Variants in TMEM200A observed in about 807,000 individuals in gnomAD.
TMEM200A encodes the protein transmembrane protein 200A.
A neutral mutation model predicts 24.3 loss-of-function variants in TMEM200A; 12 were observed. The observed-to-expected ratio is 0.49, with a 90% CI of 0.32 to 0.80. The LOEUF is 0.80. TMEM200A is among the 30% of genes least tolerant of loss of function. TMEM200A has a pLI of 0.04. For synonymous variants in TMEM200A, 224 were observed against 224.4 expected (o/e 1.00, Z 0.02); for missense variants, 545 against 614.4 (o/e 0.89, Z 1.19).
At chr6:130,414,658 G>A (rs2115168334) in intron 2 of TMEM200A, among the ~76,000 whole-genome samples, 1 of 152,190 alleles carries the variant, frequency 6.6e-6, no homozygotes, top group South Asian at 2.1e-4. Context: ...TATATGCATG[G>A]TCTCTCTTGA....
chr6:130,435,010 C>A (rs1430904101), intron 2 of TMEM200A, among the ~76,000 whole-genome samples: 1 of 149,580 alleles, frequency 6.7e-6, no homozygotes, highest in African/African-American at 2.5e-5. Context: ...ATCTTGATGT[C>A]TATTGCTTAG....
At chr6:130,439,746 C>A (rs889151249) in intron 2 of TMEM200A, among the ~76,000 whole-genome samples, 1 of 151,980 alleles carries the variant, frequency 6.6e-6, no homozygotes. Context: ...AGTAGGAGAA[C>A]TTAACATCAT....
chr6:130,397,304 T>A (rs907560979), intron 2 of TMEM200A, among the ~76,000 whole-genome samples: 2 of 152,144 alleles, frequency 1.3e-5, no homozygotes, highest in Non-Finnish European at 2.9e-5. Context: ...TAACTAATAA[T>A]TGCAAATATG....
intron 2 of TMEM200A, among the ~76,000 whole-genome samples, chr6:130,406,293 G>T (rs2115146897): frequency 6.6e-6 from 1 of 152,166 alleles, no homozygotes; most frequent in Middle Eastern, 3.4e-3. Flanking sequence ...ACACTATCCA[G>T]CTTAAGACTA....
chr6:130,430,909 ACTT>A (rs891878052), intron 2 of TMEM200A, among the ~76,000 whole-genome samples: 4 of 152,160 alleles, frequency 2.6e-5, no homozygotes, highest in Non-Finnish European at 5.9e-5. Flanking sequence ...CAATTGGAAA[ACTT>A]CTTAAGAAAT....
intron 2 of TMEM200A, chr6:130,438,600 A>AAGTT (rs1780077222): frequency 6.6e-6 from 1 of 152,212 alleles, no homozygotes; most frequent in Admixed American, 6.5e-5. Flanking sequence ...TTAACTAGGA[A>AAGTT]AGTTAGTACA....
intron 2 of TMEM200A, among the ~76,000 whole-genome samples, chr6:130,433,107 A>T (rs887116076): frequency 2.6e-5 from 4 of 152,066 alleles, no homozygotes; most frequent in African/African-American, 9.7e-5. Flanking sequence ...CCACGTGAAA[A>T]ACAATTATGC....
chr6:130,435,982 T>C (rs17059002), intron 2 of TMEM200A, among the ~76,000 whole-genome samples: 24,698 of 152,162 alleles, frequency 0.16, 2,203 homozygotes, highest in East Asian at 0.35. Flanking sequence ...CAGGTAATCA[T>C]TGAGATTTGG....
chr6:130,400,112 A>ACG (rs1175481410), intron 2 of TMEM200A, among the ~76,000 whole-genome samples: 3 of 151,890 alleles, frequency 2.0e-5, no homozygotes, highest in African/African-American at 7.3e-5. Context: ...ATATATACAC[A>ACG]CACACACACA....
intron 2 of TMEM200A, among the ~76,000 whole-genome samples, 175 bp from the exon 3 acceptor site, chr6:130,440,232 A>G (rs750110208): frequency 6.6e-6 from 1 of 152,244 alleles, no homozygotes; most frequent in Admixed American, 6.5e-5. Context: ...TACATTAGTC[A>G]ATAAATAAAA....
chr6:130,394,844 C>G (rs1342411393), intron 2 of TMEM200A, among the ~76,000 whole-genome samples: 1 of 152,066 alleles, frequency 6.6e-6, no homozygotes, highest in East Asian at 1.9e-4. Context: ...CCTTAAGGCC[C>G]TTTAGTGAAC....
intron 1 of TMEM200A, among the ~76,000 whole-genome samples, chr6:130,375,725 ATACTCAGTGCACT>A (rs1778440746): frequency 6.6e-6 from 1 of 152,202 alleles, no homozygotes; most frequent in Admixed American, 6.5e-5. Flanking sequence ...AGTAGGTTTT[ATACTCAGTGCACT>A]GGAAAGCCAT....
At chr6:130,406,072 A>G (rs555722487) in intron 2 of TMEM200A, among the ~76,000 whole-genome samples, 1 of 152,058 alleles carries the variant, frequency 6.6e-6, no homozygotes, top group African/African-American at 2.4e-5. Context: ...CTCATACATC[A>G]TTTCTCCTCC....
intron 2 of TMEM200A, among the ~76,000 whole-genome samples, chr6:130,415,095 C>T (rs1191294612): frequency 6.6e-6 from 1 of 152,086 alleles, no homozygotes; most frequent in East Asian, 1.9e-4. Flanking sequence ...GGACTGAAAG[C>T]TCATCCCTAC....
At position 130,440,790 on chromosome 6, in the gene TMEM200A, A is replaced by G. The variant is rs147892427; in HGVS notation, c.368A>G (p.Asp123Gly). Reference protein sequence around the residue: ...VRFFEQHLHSDKMKMLGPFTM... With the variant: ...VRFFEQHLHSGKMKMLGPFTM... ...TTCTTTGAGCAGCATTTGCATTCTG[A>G]TAAGATGAAAATGCTTGGCCCATTC... is the stretch of plus-strand genomic sequence containing the variant. Residue 123 changes from aspartate to glycine, a missense_variant, in exon 3 of 3, where the codon GAT (aspartate) becomes GGT (glycine). Asp to Gly is a moderately conservative substitution (Grantham distance 94). Coordinates refer to ENST00000296978, the MANE Select transcript of TMEM200A (RefSeq NM_001258277.2). 35 of 1,613,810 alleles carry G rather than the reference A, an allele frequency of 2.2e-5. No individual in the cohort carries two copies. Among genetic ancestry groups the G allele is most frequent in the Non-Finnish European group, 3.0e-5 (35 of 1,179,916 alleles).
At position 130,422,079 on chromosome 6, in the gene TMEM200A, G is replaced by C. The variant is rs374004634; in HGVS notation, c.-16-18328G>C. ...TTTCTTCGGATAAATACACAGAAGAGAGATTGCTGGATCGTATGGTAGTCC... is the reference window on the plus strand; with the variant it reads ...TTTCTTCGGATAAATACACAGAAGACAGATTGCTGGATCGTATGGTAGTCC... On this transcript the variant is annotated intron_variant, in intron 2 of 2. Coordinates refer to ENST00000296978, the MANE Select transcript of TMEM200A (RefSeq NM_001258277.2). 9.9e-4 allele frequency among the ~76,000 whole-genome samples: 150 copies of C among 152,260 alleles called. 1 individual carries two copies. Among genetic ancestry groups the C allele is most frequent in the South Asian group, 6.0e-3 (29 of 4,822 alleles).
chr6:130,412,186 C>T (rs1336393287), intron 2 of TMEM200A, among the ~76,000 whole-genome samples: 1 of 126,414 alleles, frequency 7.9e-6, no homozygotes, highest in Non-Finnish European at 1.5e-5. Context: ...TCCCAGAAGC[C>T]TGATTTTTTT....
intron 1 of TMEM200A, among the ~76,000 whole-genome samples, chr6:130,380,277 A>G (rs1372657131): frequency 1.3e-5 from 2 of 152,204 alleles, no homozygotes; most frequent in Non-Finnish European, 2.9e-5. Context: ...CTGATGACTA[A>G]TATAATCTTA....
At chr6:130,384,305 G>C (rs981143640) in intron 1 of TMEM200A, among the ~76,000 whole-genome samples, 6 of 152,122 alleles carry the variant, frequency 3.9e-5, no homozygotes, top group Non-Finnish European at 8.8e-5. Context: ...ATAATGTTCT[G>C]TTACCTGTGT....
Sources: allele counts gnomAD v4.1 joint callset (sites outside exome capture counted in the v4.1 genomes callset), GRCh38; gene constraint gnomAD v4.1.1; transcripts MANE v1.5; gene names NCBI Gene and HGNC (gene_info 2026-07-23, HGNC 2026-07-21).